SNX29: variants seen among roughly 807,000 people sequenced by gnomAD.
The protein encoded by SNX29 is sorting nexin 29, also known as sorting nexin-29.
SNX29 carries 78 observed loss-of-function variants against 102.1 expected under a neutral mutation model. The observed-to-expected ratio is 0.76, with a 90% CI of 0.64 to 0.92. The LOEUF (loss-of-function observed/expected upper bound fraction) is 0.92, where lower values mean the gene tolerates loss of function less well. Among genes scored for constraint, SNX29 ranks in the 40% least tolerant of loss-of-function variants. The pLI is 0.00. For missense variants in SNX29, 1,280 were observed against 1,061.7 expected, an observed-to-expected ratio of 1.21 and a Z score of -2.86; for synonymous variants, 580 against 414.5, an observed-to-expected ratio of 1.40 and a Z score of -4.85.
chr16:12,054,308 T>C (rs1008998599), intron 8 of SNX29, among the ~76,000 whole-genome samples: 4 of 152,348 alleles, frequency 2.6e-5, no homozygotes, highest in African/African-American at 9.6e-5. Context: ...ATTATGAATA[T>C]TGATTTGTTG....
intron 16 of SNX29, among the ~76,000 whole-genome samples, chr16:12,357,749 T>A (rs996813069): frequency 2.0e-5 from 3 of 152,254 alleles, no homozygotes; most frequent in African/African-American, 4.8e-5. Flanking sequence ...CCTCTATGAA[T>A]CCACTACTGT....
intron 11 of SNX29, among the ~76,000 whole-genome samples, chr16:12,084,410 A>T (rs1349658689): frequency 6.6e-6 from 1 of 152,140 alleles, no homozygotes; most frequent in Non-Finnish European, 1.5e-5. Context: ...TTCCAAAGTG[A>T]AAAAGTTAAT....
At chr16:12,057,706 T>G (rs1028889135) in intron 8 of SNX29, among the ~76,000 whole-genome samples, 3 of 152,216 alleles carry the variant, frequency 2.0e-5, no homozygotes, top group African/African-American at 7.2e-5. Context: ...AGCCTTGACA[T>G]TTTAACATTT....
intron 18 of SNX29, among the ~76,000 whole-genome samples, chr16:12,456,558 C>T (rs556098965): frequency 6.6e-6 from 1 of 151,318 alleles, no homozygotes; most frequent in South Asian, 2.1e-4. Flanking sequence ...GTGATGTATA[C>T]CTGGTGGGGC....
At chr16:12,561,786 G>A (rs542703856) in intron 20 of SNX29, among the ~76,000 whole-genome samples, 4 of 152,126 alleles carry the variant, frequency 2.6e-5, no homozygotes, top group African/African-American at 7.2e-5. Flanking sequence ...TCAGGACCAC[G>A]CGTGGCCTGG....
chr16:12,539,270 C>T (rs117825374), intron 20 of SNX29, among the ~76,000 whole-genome samples: 13 of 152,174 alleles, frequency 8.5e-5, no homozygotes, highest in Non-Finnish European at 1.5e-4. Context: ...CATTTCCTTT[C>T]TAGCTGCACC....
intron 18 of SNX29, among the ~76,000 whole-genome samples, chr16:12,407,832 C>G (rs1289062554): frequency 6.6e-6 from 1 of 152,178 alleles, no homozygotes; most frequent in Non-Finnish European, 1.5e-5. Flanking sequence ...ATCCTAAAAG[C>G]AGCTGTGCAT....
intron 14 of SNX29, among the ~76,000 whole-genome samples, chr16:12,217,057 G>T (rs1293049443): frequency 6.6e-6 from 1 of 152,184 alleles, no homozygotes; most frequent in Non-Finnish European, 1.5e-5. Context: ...GAGACAGGGT[G>T]TCCCTTCATT....
rs935968391 is a variant in SNX29, at chr16:12,573,283, A to G, written c.*4654A>G. The G allele has an allele frequency of 3.1e-5, 7 of 227,302 alleles. No individual in the cohort carries two copies. Among genetic ancestry groups the G allele is most frequent in the East Asian group, 2.5e-4 (4 of 15,774 alleles). 14.1% of individuals were successfully genotyped at this position (227,302 alleles called of 1,614,324 possible). ...ATCTCTGGTATTCCTCACTCTAGCC[A>G]TGAGCCATTGCCATCTTATGGGCCC... On this transcript the variant is annotated 3_prime_UTR_variant, in exon 21 of 21. Transcript: ENST00000566228.
intron 20 of SNX29, among the ~76,000 whole-genome samples, chr16:12,540,768 C>A (rs1210125683): frequency 6.6e-6 from 1 of 152,198 alleles, no homozygotes; most frequent in Non-Finnish European, 1.5e-5. Flanking sequence ...CGCCACCTCC[C>A]CTAGAGTGTC....
chr16:12,337,008 G>C (rs2081471380), intron 15 of SNX29, among the ~76,000 whole-genome samples: 1 of 152,192 alleles, frequency 6.6e-6, no homozygotes, highest in African/African-American at 2.4e-5. Flanking sequence ...GAGGGACTGG[G>C]CATCATTGAG....
chr16:12,224,108 A>C (rs925314210), intron 14 of SNX29, among the ~76,000 whole-genome samples: 1 of 152,092 alleles, frequency 6.6e-6, no homozygotes, highest in Admixed American at 6.6e-5. Flanking sequence ...AGCTGGGTGG[A>C]ACTCTTTTTC....
intron 14 of SNX29, among the ~76,000 whole-genome samples, chr16:12,270,295 C>A (rs780735914): frequency 6.6e-6 from 1 of 152,154 alleles, no homozygotes; most frequent in Non-Finnish European, 1.5e-5. Context: ...ACAATTGATT[C>A]TTTACGAATT....
intron 13 of SNX29, among the ~76,000 whole-genome samples, chr16:12,155,405 T>A (rs1470907303): frequency 6.6e-6 from 1 of 152,154 alleles, no homozygotes; most frequent in Admixed American, 6.5e-5. Flanking sequence ...GTTTCTCTTC[T>A]TGAGAGCACG....
intron 14 of SNX29, among the ~76,000 whole-genome samples, chr16:12,253,618 C>T (rs547025404): frequency 2.0e-5 from 3 of 152,212 alleles, no homozygotes; most frequent in Middle Eastern, 3.4e-3. Flanking sequence ...GTGCCTGTTG[C>T]GTCCAAGGAA....
At chr16:12,022,245 G>T (rs2057049164) in intron 3 of SNX29, among the ~76,000 whole-genome samples, 1 of 150,206 alleles carries the variant, frequency 6.7e-6, no homozygotes, top group African/African-American at 2.5e-5. Context: ...TTGTTGCTCA[G>T]GCTGGAGTAC....
At chr16:12,552,231 C>G (rs563378266) in intron 20 of SNX29, among the ~76,000 whole-genome samples, 14 of 150,768 alleles carry the variant, frequency 9.3e-5, no homozygotes, top group Non-Finnish European at 1.8e-4. Context: ...ACATCCAGCA[C>G]CATGCCCCAG....
chr16:12,406,464 C>G lies in SNX29; in HGVS notation c.2037+2935C>G, dbSNP rs117222047. ...TTCTTAAGATTTCCCTTGAAGGAAA[C>G]CAAGGGCATAACCCCAAAGTGAACA... On this transcript the variant is annotated intron_variant, in intron 18 of 20. Coordinates refer to ENST00000566228, the MANE Select transcript of SNX29 (RefSeq NM_032167.5). Among the ~76,000 whole-genome samples the G allele has an allele frequency of 3.2e-3, 493 of 152,288 alleles. 15 individuals are homozygous for G. The East Asian group carries it at 0.081, about 25-fold the overall frequency.
intron 20 of SNX29, among the ~76,000 whole-genome samples, chr16:12,556,174 A>G (rs763765930): frequency 1.3e-5 from 2 of 152,162 alleles, no homozygotes; most frequent in African/African-American, 4.8e-5. Flanking sequence ...GCCATGACAC[A>G]TCCCAGATGT....
Sources: allele counts gnomAD v4.1 joint callset (sites outside exome capture counted in the v4.1 genomes callset), GRCh38; gene constraint gnomAD v4.1.1; transcripts MANE v1.5; gene names NCBI Gene and HGNC (gene_info 2026-07-23, HGNC 2026-07-21).